IZUMO1R: variants seen among roughly 807,000 people sequenced by gnomAD.
IZUMO1R encodes sperm-egg fusion protein Juno.
Under a neutral mutation model 22.1 loss-of-function variants are expected in IZUMO1R, and 24 were observed. That is an observed-to-expected ratio of 1.09 (90% CI 0.79 to 1.53). IZUMO1R has a LOEUF of 1.53. IZUMO1R is among the 40% of genes most tolerant of loss of function. The pLI is 0.00. For missense variants in IZUMO1R, 308 were observed against 314.9 expected, an observed-to-expected ratio of 0.98 and a Z score of 0.17; for synonymous variants, 133 against 121.2, an observed-to-expected ratio of 1.10 and a Z score of -0.64.
intron 3 of IZUMO1R, 113 bp from the exon 4 acceptor site, chr11:94,307,052 G>A (rs1944028864): frequency 3.7e-5 from 46 of 1,254,234 alleles, no homozygotes; most frequent in Non-Finnish European, 5.1e-5. Context: ...ACACTTAGAG[G>A]CTTTATGGAA....
rs1207755002 is a variant in IZUMO1R, at chr11:94,307,459, C to CTGAG, written c.520_521insTGAG (p.Pro174LeufsTer12). On this transcript the variant is annotated frameshift_variant, in exon 5 of 5. Transcript: ENST00000687084. LOFTEE classifies it low-confidence loss of function (END_TRUNC). Reference sequence around the variant, plus strand: ...CTGCCCCAAAGGGGCCCAGTGCCTCCCTTTCTCCCATTACTTCCCCACCCC... The same window carrying CTGAG: ...CTGCCCCAAAGGGGCCCAGTGCCTCCTGAGCTTTCTCCCATTACTTCCCCACCCC... 1 of 1,613,972 alleles carries CTGAG rather than the reference C, an allele frequency of 6.2e-7. No homozygotes were observed.
rs770235768 is a variant in IZUMO1R at position 94,306,622 on chromosome 11, T to G, written c.248T>G (p.Met83Arg). ...AGCCTGTTTCACTGTGGACTGCTGA[T>G]GCCTGGCTGTCGGAAGCACTTCATC... ...NFSLFHCGLL[M>R]PGCRKHFIQA... Residue 83 changes from methionine to arginine, a missense_variant, in exon 3 of 5, where the codon ATG (methionine) becomes AGG (arginine). By Grantham distance (91) the Met-to-Arg change is moderately conservative. Transcript: ENST00000687084. The G allele has an allele frequency of 6.2e-7, 1 of 1,614,014 alleles. No individual in the cohort carries two copies. Among genetic ancestry groups the G allele is most frequent in the South Asian group, 1.1e-5 (1 of 91,084 alleles).
At position 94,307,315 on chromosome 11, in the gene IZUMO1R, C is replaced by A; in HGVS notation, c.484+15C>A. 1 of 1,612,942 alleles carries A rather than the reference C, an allele frequency of 6.2e-7. No individual in the cohort carries two copies. The highest frequency in any genetic ancestry group is 8.5e-7 in the Non-Finnish European group (1 of 1,179,448). On this transcript the variant is annotated intron_variant, in intron 4 of 4. Coordinates refer to ENST00000687084, the MANE Select transcript of IZUMO1R (RefSeq NM_001199206.4). The stretch of plus-strand genomic sequence containing the variant: ...CTGGAGTCAGGGTGAGTGGTGCTGA[C>A]AAGGCCTTGGTCGGGAAGAGGCCCC...
intron 1 of IZUMO1R, 21 bp from the exon 2 acceptor site, chr11:94,305,610 G>T: frequency 6.2e-7 from 1 of 1,611,238 alleles, no homozygotes; most frequent in South Asian, 1.1e-5. Flanking sequence ...CATCAAGTGT[G>T]CAGCATGGGT....
chr11:94,306,857 G>C, intron 3 of IZUMO1R, 135 bp downstream of exon 3: 1 of 911,318 alleles, frequency 1.1e-6, no homozygotes, highest in Non-Finnish European at 1.7e-6. Flanking sequence ...CAGAGCCAGA[G>C]GCCCCTGCTG....
Position 94,307,780 on chromosome 11 carries a change from C to A in IZUMO1R, c.*88C>A. The A allele has an allele frequency of 6.9e-7, 1 of 1,450,942 alleles. No individual in the cohort carries two copies. Among genetic ancestry groups the A allele is most frequent in the South Asian group, 1.3e-5 (1 of 79,888 alleles). 89.9% of individuals were successfully genotyped at this position (1,450,942 alleles called of 1,614,324 possible). A position where few individuals can be genotyped will look rare whatever the true frequency, so the allele number is the denominator to read the frequency against. On this transcript the variant is annotated 3_prime_UTR_variant, in exon 5 of 5. Coordinates refer to ENST00000687084, the MANE Select transcript of IZUMO1R (RefSeq NM_001199206.4). ...GGCCTACCTCCTTCCTCAGGCCCTC[C>A]CCTAAAAGCAGTGGCATGGGCTAGG...
intron 3 of IZUMO1R, 59 bp downstream of exon 3, chr11:94,306,781 G>T (rs913963682): frequency 1.3e-6 from 2 of 1,524,852 alleles, no homozygotes; most frequent in Non-Finnish European, 1.8e-6. Flanking sequence ...GCTTTCACCC[G>T]ATCTTATGCT....
intron 2 of IZUMO1R, 67 bp downstream of exon 2, chr11:94,305,841 C>A: frequency 1.3e-6 from 2 of 1,552,490 alleles, no homozygotes; most frequent in South Asian, 1.2e-5. Context: ...CCAAGATGGT[C>A]TCCGAACCTC....
rs1188794355 is a variant in IZUMO1R, at chr11:94,307,715, A to T, written c.*23A>T. 6.2e-7 allele frequency: 1 copy of T among 1,607,208 alleles called. No homozygotes were observed. Among genetic ancestry groups the T allele is most frequent in the South Asian group, 1.1e-5 (1 of 90,868 alleles). On this transcript the variant is annotated 3_prime_UTR_variant, in exon 5 of 5. Coordinates refer to ENST00000687084, the MANE Select transcript of IZUMO1R (RefSeq NM_001199206.4). Reference sequence around the variant, plus strand: ...TGAGAGCCCTTCTTCTCCCACTCACATTCCTGCATGTCCACCAACTGTGGG... The same window carrying T: ...TGAGAGCCCTTCTTCTCCCACTCACTTTCCTGCATGTCCACCAACTGTGGG...
At chr11:94,306,294 G>C (rs965170288) in intron 2 of IZUMO1R, among the ~76,000 whole-genome samples, 2 of 152,086 alleles carry the variant, frequency 1.3e-5, no homozygotes, top group African/African-American at 2.4e-5. Context: ...GAGGACTGTA[G>C]CAGCCTGTGG....
chr11:94,307,980 T>A lies in IZUMO1R; in HGVS notation c.*288T>A, dbSNP rs1217259695. On this transcript the variant is annotated 3_prime_UTR_variant, in exon 5 of 5. Transcript: ENST00000687084. Reference sequence around the variant, plus strand: ...CTAGGAGGCAGCTGGGGGCTGGAAGTGCCAAGGTGACTGGCCACCTCCTGC... The same window carrying A: ...CTAGGAGGCAGCTGGGGGCTGGAAGAGCCAAGGTGACTGGCCACCTCCTGC... 3.3e-5 allele frequency among the ~76,000 whole-genome samples: 5 copies of A among 152,000 alleles called. No homozygotes were observed. The highest frequency in any genetic ancestry group is 7.4e-5 in the Non-Finnish European group (5 of 67,976).
intron 1 of IZUMO1R, among the ~76,000 whole-genome samples, chr11:94,305,369 C>T (rs1944003915): frequency 6.6e-6 from 1 of 152,212 alleles, no homozygotes; most frequent in African/African-American, 2.4e-5. Context: ...GAAGGCTCCT[C>T]CTATCTGACT....
At chr11:94,306,462 C>A (rs1944019857) in intron 2 of IZUMO1R, 51 bp from the exon 3 acceptor site, 2 of 1,553,248 alleles carry the variant, frequency 1.3e-6, no homozygotes, top group Non-Finnish European at 1.8e-6. Context: ...TAGACACTTG[C>A]CGATCCTTGC....
Position 94,306,545 on chromosome 11 carries a change from C to A in IZUMO1R, c.171C>A (p.Thr57=). 6.2e-7 allele frequency: 1 copy of A among 1,613,918 alleles called. No homozygotes were observed. Among genetic ancestry groups the A allele is most frequent in the Non-Finnish European group, 8.5e-7 (1 of 1,179,866 alleles). Reference sequence around the variant, plus strand: ...CCTGGAAGGACAATGCCTGCTGCACCCTCACGACAAGCTGGGAAGCCCATC... The same window carrying A: ...CCTGGAAGGACAATGCCTGCTGCACACTCACGACAAGCTGGGAAGCCCATC... ...CIPWKDNACC[T]LTTSWEAHLD... The change falls in exon 3 of 5, where the codon ACC becomes ACA. Residue 57 remains threonine (T), a synonymous_variant. Transcript: ENST00000687084.
intron 2 of IZUMO1R, 49 bp downstream of exon 2, chr11:94,305,823 C>T (rs781193395): frequency 6.3e-7 from 1 of 1,595,702 alleles, no homozygotes; most frequent in Non-Finnish European, 8.6e-7. Flanking sequence ...AGGGAAGGGA[C>T]ACAAATGCCA....
In IZUMO1R at chr11:94,306,701, A is replaced by G. The variant is rs1379952880; in HGVS notation, c.327A>G (p.Pro109=). 3 of 1,613,856 alleles carry G rather than the reference A, an allele frequency of 1.9e-6. No individual in the cohort carries two copies. Among genetic ancestry groups the G allele is most frequent in the Non-Finnish European group, 2.5e-6 (3 of 1,179,880 alleles). The change falls in exon 3 of 5, where the codon CCA becomes CCG. Residue 109 remains proline (P), a synonymous_variant. Transcript: ENST00000687084. ...CSPNLGPWIQ[P]VGSLGWEVAP... ...CAAACCTGGGGCCCTGGATCCAGCC[A>G]GTGGGAAGCCTGGGGTGGGAGGTAG...
chr11:94,305,555 C>T (rs1167834147), intron 1 of IZUMO1R, 76 bp from the exon 2 acceptor site: 22 of 1,547,174 alleles, frequency 1.4e-5, no homozygotes, highest in Non-Finnish European at 1.9e-5. Flanking sequence ...ATCCCCCTTT[C>T]CCAGTGCCTG....
At position 94,306,521 on chromosome 11, in the gene IZUMO1R, C is replaced by G. The variant is rs753013223; in HGVS notation, c.147C>G (p.Pro49=). The G allele has an allele frequency of 1.2e-6, 2 of 1,613,898 alleles. No individual in the cohort carries two copies. The highest frequency in any genetic ancestry group is 1.7e-6 in the Non-Finnish European group (2 of 1,179,848). Residue 49 remains proline, a synonymous_variant, in exon 3 of 5, where the codon CCC becomes CCG. Transcript: ENST00000687084. ...PEDKLYEECI[P]WKDNACCTLT... Reference sequence around the variant, plus strand: ...TCTTCCTCTGCCTTCAGTGCATCCCCTGGAAGGACAATGCCTGCTGCACCC... The same window carrying G: ...TCTTCCTCTGCCTTCAGTGCATCCCGTGGAAGGACAATGCCTGCTGCACCC...
Position 94,307,752 on chromosome 11 carries a change from CA to C in IZUMO1R, c.*61del. 1 of 1,573,060 alleles carries C rather than the reference CA, an allele frequency of 6.4e-7. No homozygotes were observed. The highest frequency in any genetic ancestry group is 8.7e-7 in the Non-Finnish European group (1 of 1,152,248). On this transcript the variant is annotated 3_prime_UTR_variant, in exon 5 of 5. Transcript: ENST00000687084. ...CCACCAACTGTGGGTCAGGCCAGGC[CA>C]TGGCCTACCTCCTTCCTCAGGCCCT...
Sources: gnomAD v4.1 joint callset for allele counts (sites outside exome capture counted in the v4.1 genomes callset) on GRCh38, gnomAD v4.1.1 for gene constraint, MANE v1.5 for transcripts, NCBI Gene and HGNC (gene_info 2026-07-23, HGNC 2026-07-21) for gene names.